HAUS6: variants seen among roughly 807,000 people sequenced by gnomAD.
The protein encoded by HAUS6 is HAUS augmin like complex subunit 6.
In HAUS6, 80 loss-of-function variants were observed where a neutral mutation model predicts 106.8. The ratio of observed to expected loss-of-function variants is 0.75; its 90% CI spans 0.63 to 0.90. HAUS6 has a LOEUF of 0.90. Ranked by LOEUF, HAUS6 falls within the 40% of genes least tolerant of loss-of-function variation. The probability of loss-of-function intolerance (pLI) is 0.00; values close to 1 mark genes in which losing one functional copy is unlikely to be tolerated. For synonymous variants in HAUS6, 356 were observed against 379.1 expected (o/e 0.94, Z 0.71); for missense variants, 1,155 against 1,118.1 (o/e 1.03, Z -0.47).
At chr9:19,079,748 CA>C (rs1193928412) in intron 9 of HAUS6, among the ~76,000 whole-genome samples, 1 of 150,818 alleles carries the variant, frequency 6.6e-6, no homozygotes, top group African/African-American at 2.4e-5. Flanking sequence ...ACTAAAAATA[CA>C]AAAATTAGCC....
Position 19,093,151 on chromosome 9 carries a change from C to A in HAUS6, c.436+20G>T, listed in dbSNP as rs1193342686. 3.5e-6 allele frequency: 5 copies of A among 1,443,662 alleles called. No homozygotes were observed. Among genetic ancestry groups the A allele is most frequent in the Middle Eastern group, 2.4e-4 (1 of 4,238 alleles). 89.4% of individuals were successfully genotyped at this position (1,443,662 alleles called of 1,614,324 possible). On this transcript the variant is annotated intron_variant, in intron 4 of 16. Transcript: ENST00000380502. ...AAATTTAAGAATCAAAACAAAAAAT[C>A]TTTTATAAGTTGAACTTACTTTTAG...
chr9:19,101,281 G>C (rs1817981413), intron 1 of HAUS6, among the ~76,000 whole-genome samples: 1 of 152,160 alleles, frequency 6.6e-6, no homozygotes. Flanking sequence ...AGCACTTGGA[G>C]TGGCCAAGGC....
chr9:19,102,356 G>A (rs566828404), intron 1 of HAUS6, among the ~76,000 whole-genome samples, 168 bp downstream of exon 1: 11 of 152,352 alleles, frequency 7.2e-5, no homozygotes, highest in African/African-American at 2.6e-4. Context: ...GTCTGTCTCT[G>A]CCCCTAGGCT....
chr9:19,101,378 C>T (rs924037426), intron 1 of HAUS6, among the ~76,000 whole-genome samples: 3 of 151,450 alleles, frequency 2.0e-5, no homozygotes, highest in Admixed American at 6.6e-5. Context: ...GTAGTCCCAG[C>T]TACTCAGGAG....
chr9:19,081,423 G>A (rs1837147361), intron 8 of HAUS6, among the ~76,000 whole-genome samples: 1 of 151,776 alleles, frequency 6.6e-6, no homozygotes, highest in Non-Finnish European at 1.5e-5. Context: ...TGAATTAGTT[G>A]CCAATTTTTT....
intron 12 of HAUS6, among the ~76,000 whole-genome samples, chr9:19,066,291 G>T (rs866633907): frequency 6.6e-6 from 1 of 152,046 alleles, no homozygotes; most frequent in African/African-American, 2.4e-5. Flanking sequence ...TTGGCGGGGC[G>T]GGGGAGGGAG....
rs939071106 is a variant in HAUS6 at position 19,057,895 on chromosome 9, T to C, written c.2806+66A>G. 118 of 871,110 alleles carry C rather than the reference T, an allele frequency of 1.4e-4. No individual in the cohort carries two copies. In the Middle Eastern group the frequency reaches 1.4e-3, roughly 10 times the overall value. 54.0% of individuals were successfully genotyped at this position (871,110 alleles called of 1,614,324 possible). On this transcript the variant is annotated intron_variant, in intron 16 of 16. Transcript: ENST00000380502. The stretch of plus-strand genomic sequence containing the variant: ...AGGTCATGCAGCATTCTTTGTGTAC[T>C]GGTTTTATCAAAAGTTGAGAGAAAA...
intron 1 of HAUS6, among the ~76,000 whole-genome samples, chr9:19,101,385 G>C (rs1394655254): frequency 6.6e-6 from 1 of 151,876 alleles, no homozygotes; most frequent in East Asian, 1.9e-4. Flanking sequence ...CAGCTACTCA[G>C]GAGGGTGAAG....
rs561671856 is a variant in HAUS6 at position 19,066,581 on chromosome 9, A to C, written c.1377-3001T>G. The stretch of plus-strand genomic sequence containing the variant: ...TAGAAATATCATGGAACTCCCCCCC[A>C]CACACACAAACACAAAAAGCCATTG... On this transcript the variant is annotated intron_variant, in intron 12 of 16. Transcript: ENST00000380502. 2.0e-4 allele frequency among the ~76,000 whole-genome samples: 31 copies of C among 151,954 alleles called. No individual in the cohort carries two copies. The East Asian group carries it at 2.5e-3, about 12-fold the overall frequency.
At chr9:19,061,451 T>C (rs1281920102) in intron 14 of HAUS6, among the ~76,000 whole-genome samples, 1 of 152,182 alleles carries the variant, frequency 6.6e-6, no homozygotes, top group Non-Finnish European at 1.5e-5. Flanking sequence ...TACTTTAGTG[T>C]AGAGTCAATG....
chr9:19,099,197 C>T (rs1817931909), intron 1 of HAUS6, among the ~76,000 whole-genome samples: 2 of 148,362 alleles, frequency 1.3e-5, no homozygotes, highest in African/African-American at 4.9e-5. Flanking sequence ...GACGGAGTCT[C>T]GCTCTGTCCC....
chr9:19,066,882 C>T lies in HAUS6; in HGVS notation c.1377-3302G>A, dbSNP rs553575542. Among the ~76,000 whole-genome samples, 3 of 151,262 alleles carry T rather than the reference C, an allele frequency of 2.0e-5. No individual in the cohort carries two copies. The East Asian group carries it at 5.8e-4, about 29-fold the overall frequency. On this transcript the variant is annotated intron_variant, in intron 12 of 16. Transcript: ENST00000380502. ...ATTAGCTGGGTGTGGAGGTGCATGC[C>T]TGCACTCCTAGCTACTTGGGTAGCT...
chr9:19,097,775 A>C (rs12349511), intron 1 of HAUS6, among the ~76,000 whole-genome samples: 17,869 of 151,842 alleles, frequency 0.12, 1,689 homozygotes, highest in African/African-American at 0.26. Context: ...CCTAAAAAAA[A>C]AAAAAGTGAA....
intron 4 of HAUS6, among the ~76,000 whole-genome samples, chr9:19,091,230 G>A (rs1435342016): frequency 2.0e-5 from 3 of 152,034 alleles, no homozygotes; most frequent in African/African-American, 7.2e-5. Flanking sequence ...AACCCGGGAA[G>A]TGGATGTTGC....
intron 1 of HAUS6, among the ~76,000 whole-genome samples, chr9:19,101,437 G>A (rs1462703915): frequency 1.3e-5 from 2 of 152,160 alleles, no homozygotes; most frequent in Non-Finnish European, 2.9e-5. Context: ...GCTGCAGTGA[G>A]CTGTGATCGC....
In HAUS6 at chr9:19,096,782, A is replaced by C. The variant is rs200716855; in HGVS notation, c.129-13T>G. ...GTCAAACATGTTCCTAGTGGTTAAA[A>C]ATGAAATAGAAATAGAAAAAGAAAA... On this transcript the variant is annotated splice_polypyrimidine_tract_variant and intron_variant, in intron 1 of 16. Transcript: ENST00000380502. 2.4e-6 allele frequency: 3 copies of C among 1,253,548 alleles called. No homozygotes were observed. The highest frequency in any genetic ancestry group is 2.5e-5 in the Admixed American group (1 of 40,462). The allele number at this position is 1,253,548 out of a possible 1,614,324, so 77.7% of individuals were successfully genotyped here. A position where few individuals can be genotyped will look rare whatever the true frequency, so the allele number is the denominator to read the frequency against.
intron 8 of HAUS6, 69 bp downstream of exon 8, chr9:19,082,804 C>A (rs999785060): frequency 1.3e-6 from 1 of 784,924 alleles, no homozygotes; most frequent in Non-Finnish European, 1.9e-6. Flanking sequence ...AGCAGAAGAA[C>A]ATTGCAAGAA....
At chr9:19,062,793 G>C (rs1392101776) in intron 14 of HAUS6, among the ~76,000 whole-genome samples, 1 of 152,128 alleles carries the variant, frequency 6.6e-6, no homozygotes, top group Non-Finnish European at 1.5e-5. Context: ...TCACCAGTAA[G>C]TAGCTGGGAC....
intron 2 of HAUS6, among the ~76,000 whole-genome samples, chr9:19,096,399 C>T (rs1331033399): frequency 1.3e-5 from 2 of 151,842 alleles, no homozygotes; most frequent in East Asian, 3.9e-4. Context: ...ACCCCAGCTC[C>T]AATAAAAATG....
Sources: gnomAD v4.1 joint callset for allele counts (sites outside exome capture counted in the v4.1 genomes callset) on GRCh38, gnomAD v4.1.1 for gene constraint, MANE v1.5 for transcripts, NCBI Gene and HGNC (gene_info 2026-07-23, HGNC 2026-07-21) for gene names.